CHCHD3: variants seen among roughly 807,000 people sequenced by gnomAD.
CHCHD3 encodes the protein coiled-coil-helix-coiled-coil-helix domain containing 3, also known as MICOS complex subunit MIC19.
A neutral mutation model predicts 38.2 loss-of-function variants in CHCHD3; 20 were observed. The observed-to-expected ratio is 0.52, with a 90% confidence interval of 0.37 to 0.76. The LOEUF (loss-of-function observed/expected upper bound fraction) is 0.76, where lower values mean the gene tolerates loss of function less well. Ranked by LOEUF, CHCHD3 falls within the 30% of genes least tolerant of loss-of-function variation. The pLI, the probability that CHCHD3 is intolerant of heterozygous loss-of-function variation, is 0.00. For synonymous variants in CHCHD3, 82 were observed against 100.0 expected (o/e 0.82, Z 1.07); for missense variants, 245 against 279.2 (o/e 0.88, Z 0.87).
chr7:133,034,444 T>G (rs1301713158), intron 2 of CHCHD3, among the ~76,000 whole-genome samples: 1 of 150,690 alleles, frequency 6.6e-6, no homozygotes, highest in Non-Finnish European at 1.5e-5. Context: ...TCTAAACATA[T>G]ATGATACTTT....
chr7:132,972,513 T>G, intron 4 of CHCHD3: 2 of 869,928 alleles, frequency 2.3e-6, no homozygotes, highest in Non-Finnish European at 2.8e-6. Flanking sequence ...TGTATTTATT[T>G]TCTAATCTTG....
chr7:132,855,600 T>C (rs1350488040), intron 5 of CHCHD3, among the ~76,000 whole-genome samples: 2 of 152,168 alleles, frequency 1.3e-5, no homozygotes, highest in Non-Finnish European at 2.9e-5. Flanking sequence ...TGCATGTGAA[T>C]AGAGGCACAT....
chr7:133,005,466 A>G (rs1318827191), intron 3 of CHCHD3, among the ~76,000 whole-genome samples: 2 of 152,342 alleles, frequency 1.3e-5, no homozygotes, highest in East Asian at 3.9e-4. Context: ...TAATGTGCTC[A>G]TTTTTAAAAA....
chr7:132,905,705 C>T (rs566897953), intron 4 of CHCHD3, among the ~76,000 whole-genome samples: 1 of 152,116 alleles, frequency 6.6e-6, no homozygotes, highest in South Asian at 2.1e-4. Context: ...CCAACCACCC[C>T]ACTCCTGCCA....
At chr7:132,786,704 C>T (rs1370918771) in intron 7 of CHCHD3, among the ~76,000 whole-genome samples, 2 of 152,130 alleles carry the variant, frequency 1.3e-5, no homozygotes, top group African/African-American at 4.8e-5. Context: ...TGAGCTCCTA[C>T]CAGGTACCAC....
chr7:132,788,436 C>A lies in CHCHD3; in HGVS notation c.661-2776G>T, dbSNP rs1474469170. Among the ~76,000 whole-genome samples, 1 of 152,172 alleles carries A rather than the reference C, an allele frequency of 6.6e-6. No homozygotes were observed. The highest frequency in any genetic ancestry group is 1.5e-5 in the Non-Finnish European group (1 of 68,036). On this transcript the variant is annotated intron_variant, in intron 7 of 7. Coordinates refer to ENST00000262570, the MANE Select transcript of CHCHD3 (RefSeq NM_017812.4). This position sits in a 1 kb window ranked among gnomAD's most constrained non-coding sequence, Gnocchi z 4.0. ...TAGGGTTACAAGGATAACCACATGACAATGTACCTCCTTTCAAATATTGCA... is the reference window on the plus strand; with the variant it reads ...TAGGGTTACAAGGATAACCACATGAAAATGTACCTCCTTTCAAATATTGCA...
chr7:133,081,825 C>T (rs372600144), intron 1 of CHCHD3, 32 bp downstream of exon 1: 14 of 1,549,594 alleles, frequency 9.0e-6, no homozygotes, highest in Admixed American at 5.9e-5. Context: ...CGAGTCCAAC[C>T]ACTGGCCCTC....
intron 2 of CHCHD3, among the ~76,000 whole-genome samples, chr7:133,034,115 T>C (rs1813579516): frequency 6.6e-6 from 1 of 151,914 alleles, no homozygotes; most frequent in Non-Finnish European, 1.5e-5. Context: ...ACATTTCCCA[T>C]CAAAATTATC....
chr7:132,811,166 A>G (rs914550517), intron 6 of CHCHD3, among the ~76,000 whole-genome samples: 5 of 152,230 alleles, frequency 3.3e-5, no homozygotes, highest in Non-Finnish European at 5.9e-5. Context: ...CTTTGGAGGA[A>G]GAGTGTCTCT....
At chr7:132,842,700 C>T (rs1474866766) in intron 5 of CHCHD3, among the ~76,000 whole-genome samples, 1 of 152,104 alleles carries the variant, frequency 6.6e-6, no homozygotes, top group Non-Finnish European at 1.5e-5. Flanking sequence ...GCTCACCTGG[C>T]GTTTTCTCAT....
chr7:132,978,223 T>C (rs1811822527), intron 3 of CHCHD3, among the ~76,000 whole-genome samples: 1 of 152,166 alleles, frequency 6.6e-6, no homozygotes, highest in Non-Finnish European at 1.5e-5. Flanking sequence ...AAAGCAGTGA[T>C]TTTACGAAAT....
intron 3 of CHCHD3, among the ~76,000 whole-genome samples, chr7:133,005,969 T>C (rs1169051095): frequency 6.6e-6 from 1 of 152,226 alleles, no homozygotes; most frequent in African/African-American, 2.4e-5. Flanking sequence ...ATCTGTTGTA[T>C]CTCGCCAGCT....
chr7:132,796,329 A>C (rs1217790360), intron 7 of CHCHD3, 113 bp downstream of exon 7: 2 of 1,153,332 alleles, frequency 1.7e-6, no homozygotes, highest in Non-Finnish European at 2.5e-6. Flanking sequence ...GATGATGACT[A>C]GGGCTTAGAA....
chr7:132,935,510 C>A (rs996597733), intron 4 of CHCHD3, among the ~76,000 whole-genome samples: 3 of 152,096 alleles, frequency 2.0e-5, no homozygotes, highest in African/African-American at 7.2e-5. Context: ...TATATTCTTG[C>A]AGGTTGTAAT....
intron 1 of CHCHD3, among the ~76,000 whole-genome samples, chr7:133,079,566 ATCT>A (rs112259173): frequency 4.6e-5 from 7 of 152,312 alleles, no homozygotes; most frequent in African/African-American, 4.8e-5. Flanking sequence ...ACCTTACCTC[ATCT>A]TCTTACAATA....
At chr7:132,902,050 C>T (rs1255446975) in intron 4 of CHCHD3, among the ~76,000 whole-genome samples, 4 of 152,168 alleles carry the variant, frequency 2.6e-5, no homozygotes, top group African/African-American at 9.7e-5. Context: ...CTACATATGG[C>T]TAGCCAGTTT....
intron 4 of CHCHD3, among the ~76,000 whole-genome samples, chr7:132,900,828 T>TA (rs1270020072): frequency 1.3e-5 from 2 of 151,866 alleles, no homozygotes; most frequent in Non-Finnish European, 2.9e-5. Flanking sequence ...CCGTCTCTAC[T>TA]AAAAAAACAA....
At chr7:133,046,520 T>C (rs1302461420) in intron 2 of CHCHD3, among the ~76,000 whole-genome samples, 1 of 152,132 alleles carries the variant, frequency 6.6e-6, no homozygotes, top group Non-Finnish European at 1.5e-5. Context: ...CAAACTTGGG[T>C]TTTTTTAATT....
intron 4 of CHCHD3, among the ~76,000 whole-genome samples, chr7:132,913,107 A>T (rs1554387267): frequency 6.6e-6 from 1 of 152,238 alleles, no homozygotes; most frequent in Non-Finnish European, 1.5e-5. Context: ...TCAAGGACAC[A>T]TGCTGAAGGA....
Sources: gnomAD v4.1 joint callset for allele counts (sites outside exome capture counted in the v4.1 genomes callset) on GRCh38, gnomAD v4.1.1 for gene constraint, Gnocchi (gnomAD v3.1) non-coding constraint, MANE v1.5 for transcripts, NCBI Gene and HGNC (gene_info 2026-07-23, HGNC 2026-07-21) for gene names.